Variants in YWHAB observed in about 807,000 individuals in gnomAD.
YWHAB encodes 14-3-3 protein beta/alpha.
In YWHAB, 2 loss-of-function variants were observed where a neutral mutation model predicts 28.5. The ratio of observed to expected loss-of-function variants is 0.07; its 90% CI spans 0.03 to 0.22. The LOEUF is 0.22. YWHAB is among the 10% of genes least tolerant of loss of function. The pLI is 1.00. For synonymous variants in YWHAB, 103 were observed against 104.7 expected, an observed-to-expected ratio of 0.98 and a Z score of 0.10; for missense variants, 148 against 297.1, an observed-to-expected ratio of 0.50 and a Z score of 3.69.
intron 5 of YWHAB, 43 bp downstream of exon 5, chr20:44,906,139 A>G: frequency 6.9e-7 from 1 of 1,459,740 alleles, no homozygotes; most frequent in Non-Finnish European, 9.5e-7. Context: ...TTTCCTATTC[A>G]CCTACTTAAT....
chr20:44,890,832 T>C (rs1023383451), intron 1 of YWHAB, among the ~76,000 whole-genome samples: 4 of 151,812 alleles, frequency 2.6e-5, no homozygotes, highest in Non-Finnish European at 4.4e-5. Flanking sequence ...AAGCTCACAA[T>C]CCGGTGTGGG....
chr20:44,902,063 C>G (rs910554426), intron 2 of YWHAB: 1 of 427,804 alleles, frequency 2.3e-6, no homozygotes, highest in African/African-American at 2.0e-5. Context: ...TCAAAAAGAC[C>G]TGTGAAAAAC....
intron 1 of YWHAB, among the ~76,000 whole-genome samples, chr20:44,888,488 G>A (rs1456314781): frequency 6.6e-6 from 1 of 152,200 alleles, no homozygotes; most frequent in Non-Finnish European, 1.5e-5. Context: ...CCAGAACCAG[G>A]AATGAAACCA....
chr20:44,890,188 CAG>C (rs1266629859), intron 1 of YWHAB, among the ~76,000 whole-genome samples: 2 of 152,124 alleles, frequency 1.3e-5, no homozygotes, highest in African/African-American at 2.4e-5. Flanking sequence ...AGGAGATGGA[CAG>C]AAAGTAATCC....
At chr20:44,891,360 C>T (rs1045892566) in intron 1 of YWHAB, among the ~76,000 whole-genome samples, 4 of 152,244 alleles carry the variant, frequency 2.6e-5, no homozygotes, top group African/African-American at 9.6e-5. Context: ...CCTCCTCGGC[C>T]TCCCAGAGTG....
intron 1 of YWHAB, among the ~76,000 whole-genome samples, chr20:44,899,939 A>G (rs1464914621): frequency 6.6e-6 from 1 of 152,218 alleles, no homozygotes; most frequent in African/African-American, 2.4e-5. Context: ...ACCATATACA[A>G]AATTAGTGCC....
chr20:44,905,770 T>C (rs2066652348), intron 4 of YWHAB: 1 of 427,700 alleles, frequency 2.3e-6, no homozygotes, highest in Admixed American at 3.7e-5. Flanking sequence ...ACTGCTTAGT[T>C]ATTAGGTACA....
chr20:44,901,781 A>G lies in YWHAB; in HGVS notation c.248A>G (p.Glu83Gly). Reference sequence around the variant, plus strand: ...GAGAAGAAGCAGCAGATGGGCAAAGAGTACCGTGAGAAGATAGAGGCAGAA... The same window carrying G: ...GAGAAGAAGCAGCAGATGGGCAAAGGGTACCGTGAGAAGATAGAGGCAGAA... ...RNEKKQQMGK[E>G]YREKIEAELQ... The change falls in exon 2 of 6, where the codon GAG (glutamate) becomes GGG (glycine). Residue 83 changes from glutamate (E) to glycine (G), a missense_variant. Glu to Gly is a moderately conservative substitution (Grantham distance 98). Coordinates refer to ENST00000353703, the MANE Select transcript of YWHAB (RefSeq NM_139323.4). The G allele has an allele frequency of 6.2e-7, 1 of 1,612,336 alleles. No homozygotes were observed. The highest frequency in any genetic ancestry group is 1.1e-5 in the South Asian group (1 of 91,058).
chr20:44,904,211 C>T, intron 3 of YWHAB, 95 bp downstream of exon 3: 6 of 1,458,134 alleles, frequency 4.1e-6, no homozygotes, highest in Admixed American at 3.7e-5. Flanking sequence ...TCGCCATAGA[C>T]ACCAATGTCA....
In YWHAB at chr20:44,906,525, AAAGAG is replaced by A; in HGVS notation, c.*90_*94del. ...GCGATAAAAAAAAAAAAAAAAAAAAAAAGAGAATCGTACGTCGACTTTCGATTTTT... is the reference window on the plus strand; with the variant it reads ...GCGATAAAAAAAAAAAAAAAAAAAAAAATCGTACGTCGACTTTCGATTTTT... On this transcript the variant is annotated 3_prime_UTR_variant, in exon 6 of 6. Transcript: ENST00000353703. 3.0e-6 allele frequency: 2 copies of A among 656,358 alleles called. No individual in the cohort carries two copies. The highest frequency in any genetic ancestry group is 3.3e-5 in the East Asian group (1 of 30,114). The allele number at this position is 656,358 out of a possible 1,614,324, so 40.7% of individuals were successfully genotyped here. A position where few individuals can be genotyped will look rare whatever the true frequency, so the allele number is the denominator to read the frequency against.
At chr20:44,901,492 T>C in intron 1 of YWHAB, 39 bp from the exon 2 acceptor site, 1 of 1,538,906 alleles carries the variant, frequency 6.5e-7, no homozygotes, top group South Asian at 1.3e-5. Flanking sequence ...CCCCGAAACC[T>C]GACATTTGCT....
At chr20:44,902,147 A>G (rs934485316) in intron 2 of YWHAB, 4 of 250,632 alleles carry the variant, frequency 1.6e-5, no homozygotes, top group African/African-American at 8.9e-5. Context: ...AGATACAGCT[A>G]CAGATAGGCT....
At chr20:44,886,851 T>G (rs1303538366) in intron 1 of YWHAB, 1 of 152,242 alleles carries the variant, frequency 6.6e-6, no homozygotes, top group East Asian at 1.9e-4. Flanking sequence ...GTCGTTGCCT[T>G]CATTGCATTT....
rs2145537300 is a variant in YWHAB at position 44,901,881 on chromosome 20, T to C, written c.300+48T>C. ...TTGAACAGTGGTTTCTAAATAGTAT[T>C]AATTTAATGTATAAATGCAGACTCT... is the stretch of plus-strand genomic sequence containing the variant. On this transcript the variant is annotated intron_variant, in intron 2 of 5. Transcript: ENST00000353703. 3 of 1,519,292 alleles carry C rather than the reference T, an allele frequency of 2.0e-6. No individual in the cohort carries two copies. The East Asian group carries it at 6.8e-5, about 35-fold the overall frequency. 94.1% of individuals were successfully genotyped at this position (1,519,292 alleles called of 1,614,324 possible). A position where few individuals can be genotyped will look rare whatever the true frequency, so the allele number is the denominator to read the frequency against.
chr20:44,889,860 G>A (rs2066550217), intron 1 of YWHAB, among the ~76,000 whole-genome samples: 1 of 152,130 alleles, frequency 6.6e-6, no homozygotes, highest in Non-Finnish European at 1.5e-5. Flanking sequence ...GAGCATTGGA[G>A]TTCATAATTG....
At chr20:44,900,602 A>G (rs140154356) in intron 1 of YWHAB, among the ~76,000 whole-genome samples, 2 of 152,312 alleles carry the variant, frequency 1.3e-5, no homozygotes, top group African/African-American at 4.8e-5. Flanking sequence ...ATTGGTTGAA[A>G]CAAACATCAT....
At chr20:44,898,723 G>A (rs965505692) in intron 1 of YWHAB, among the ~76,000 whole-genome samples, 2 of 152,010 alleles carry the variant, frequency 1.3e-5, no homozygotes, top group African/African-American at 4.8e-5. Flanking sequence ...AGCCAGGATG[G>A]TCTCGATCTC....
intron 3 of YWHAB, 95 bp downstream of exon 3, chr20:44,904,211 C>G: frequency 6.9e-7 from 1 of 1,458,134 alleles, no homozygotes; most frequent in Non-Finnish European, 9.4e-7. Context: ...TCGCCATAGA[C>G]ACCAATGTCA....
At chr20:44,904,742 T>C (rs772803143) in intron 3 of YWHAB, among the ~76,000 whole-genome samples, 2 of 152,242 alleles carry the variant, frequency 1.3e-5, no homozygotes, top group Non-Finnish European at 2.9e-5. Context: ...TTAACTGCTT[T>C]AGTAGACTTT....
Sources: allele counts gnomAD v4.1 joint callset (sites outside exome capture counted in the v4.1 genomes callset), GRCh38; gene constraint gnomAD v4.1.1; transcripts MANE v1.5; gene names NCBI Gene and HGNC (gene_info 2026-07-23, HGNC 2026-07-21).